Variants in CLVS1 observed in about 807,000 individuals in gnomAD.
CLVS1 encodes the protein clavesin-1.
CLVS1 carries 10 observed loss-of-function variants against 33.1 expected under a neutral mutation model. That is an observed-to-expected ratio of 0.30 (90% CI 0.19 to 0.51). The LOEUF is 0.51. Among genes scored for constraint, CLVS1 ranks in the 20% least tolerant of loss-of-function variants. CLVS1 has a pLI of 0.97. For missense variants in CLVS1, 343 were observed against 433.4 expected (o/e 0.79, Z 1.85); for synonymous variants, 163 against 166.1 (o/e 0.98, Z 0.14).
At chr8:61,035,364 T>G in the CLVS1 span, among the ~76,000 whole-genome samples, 1 of 152,108 alleles carries the variant, frequency 6.6e-6, no homozygotes, top group East Asian at 1.9e-4. Context: ...TTTGTTTTTG[T>G]TTTCACAAAG....
At chr8:61,155,828 T>A (rs1806636111) in intron 2 of CLVS1, among the ~76,000 whole-genome samples, 1 of 152,136 alleles carries the variant, frequency 6.6e-6, no homozygotes, top group South Asian at 2.1e-4. Context: ...GCCTGACACC[T>A]TAAAGGTCCC....
chr8:61,062,481 C>A (rs760939180), intron 1 of CLVS1, among the ~76,000 whole-genome samples: 17 of 152,062 alleles, frequency 1.1e-4, no homozygotes, highest in Non-Finnish European at 5.9e-5. Flanking sequence ...GGAAGACCAC[C>A]CTACGTTCCT....
At chr8:60,982,188 A>G in the CLVS1 span, among the ~76,000 whole-genome samples, 1 of 152,248 alleles carries the variant, frequency 6.6e-6, no homozygotes, top group Non-Finnish European at 1.5e-5. Flanking sequence ...TAATTAAATC[A>G]CAATAAAAAT....
chr8:61,262,830 C>T (rs1430321544), intron 2 of CLVS1, among the ~76,000 whole-genome samples: 1 of 152,088 alleles, frequency 6.6e-6, no homozygotes, highest in Non-Finnish European at 1.5e-5. Flanking sequence ...CTGAGGTCTA[C>T]CAGGAGATTC....
chr8:61,141,966 T>C (rs1806315338), intron 2 of CLVS1, among the ~76,000 whole-genome samples: 1 of 152,250 alleles, frequency 6.6e-6, no homozygotes. Flanking sequence ...AATCTTTTCT[T>C]CTGGCTAGGC....
At chr8:61,004,015 A>T in the CLVS1 span, among the ~76,000 whole-genome samples, 1 of 152,186 alleles carries the variant, frequency 6.6e-6, no homozygotes, top group Non-Finnish European at 1.5e-5. Flanking sequence ...GATCTGAATG[A>T]GGTAAGAGTG....
chr8:61,198,784 T>C (rs1237687374), intron 2 of CLVS1, among the ~76,000 whole-genome samples: 1 of 152,212 alleles, frequency 6.6e-6, no homozygotes, highest in African/African-American at 2.4e-5. Context: ...CATACCCATA[T>C]GTTAGTCCCC....
At chr8:61,269,959 A>G (rs1233437217) in intron 2 of CLVS1, among the ~76,000 whole-genome samples, 4 of 147,654 alleles carry the variant, frequency 2.7e-5, no homozygotes, top group African/African-American at 1.0e-4. Flanking sequence ...TCGTCTGCAA[A>G]CAGGGACAAT....
At chr8:61,254,832 G>A (rs941732505) in intron 2 of CLVS1, among the ~76,000 whole-genome samples, 2 of 152,150 alleles carry the variant, frequency 1.3e-5, no homozygotes, top group Non-Finnish European at 2.9e-5. Context: ...CCTTTCCTTG[G>A]CTAGAAAAGG....
chr8:61,203,347 T>A, intron 2 of CLVS1: 1 of 594,738 alleles, frequency 1.7e-6, no homozygotes. Context: ...GTTTGATAAA[T>A]GTTGTCCAGG....
intron 3 of CLVS1, among the ~76,000 whole-genome samples, chr8:61,441,260 G>C (rs371572806): frequency 6.6e-6 from 1 of 152,150 alleles, no homozygotes; most frequent in African/African-American, 2.4e-5. Context: ...CATGCATGCA[G>C]GTATGTGACT....
At chr8:61,400,187 G>A (rs1814694013) in intron 3 of CLVS1, among the ~76,000 whole-genome samples, 1 of 152,168 alleles carries the variant, frequency 6.6e-6, no homozygotes, top group Non-Finnish European at 1.5e-5. Context: ...TTTTCCATCT[G>A]TTTGAGTAAA....
chr8:61,290,383 A>G (rs949729414), intron 1 of CLVS1, among the ~76,000 whole-genome samples: 2 of 152,214 alleles, frequency 1.3e-5, no homozygotes, highest in African/African-American at 4.8e-5. Flanking sequence ...AAATATTTTC[A>G]GTAACAGAAA....
chr8:61,490,978 A>G (rs534765000), intron 5 of CLVS1, among the ~76,000 whole-genome samples: 4 of 151,886 alleles, frequency 2.6e-5, no homozygotes, highest in Admixed American at 2.0e-4. Context: ...AAAAAGAAAA[A>G]AAAAAGAAAG....
At position 61,499,644 on chromosome 8, in the gene CLVS1, T is replaced by TGAC. The variant is rs1804491834; in HGVS notation, c.*103_*105dup. ...CCCATGCAGACACGTGTGTTCTGCT[T>TGAC]GACACAAGGTCCTCCACTCCTGAAC... On this transcript the variant is annotated 3_prime_UTR_variant, in exon 6 of 6. Transcript: ENST00000325897. 2.6e-6 allele frequency: 2 copies of TGAC among 768,656 alleles called. No individual in the cohort carries two copies. The highest frequency in any genetic ancestry group is 4.2e-5 in the Admixed American group (2 of 47,360). 47.6% of individuals were successfully genotyped at this position (768,656 alleles called of 1,614,324 possible).
chr8:61,064,859 G>A (rs12677697), intron 1 of CLVS1, among the ~76,000 whole-genome samples: 83,482 of 151,738 alleles, frequency 0.55, 25,336 homozygotes, highest in African/African-American at 0.81. Flanking sequence ...CCGCCACCAC[G>A]CCTGGCTAAT....
the CLVS1 span, among the ~76,000 whole-genome samples, chr8:61,012,304 TC>T: frequency 6.6e-6 from 1 of 152,224 alleles, no homozygotes; most frequent in Non-Finnish European, 1.5e-5. Flanking sequence ...TCTTTTGCAC[TC>T]TCTCTCTTTC....
upstream of CLVS1, among the ~76,000 whole-genome samples, chr8:61,056,983 C>T (rs895336640): frequency 1.3e-5 from 2 of 152,142 alleles, no homozygotes; most frequent in African/African-American, 4.8e-5. Flanking sequence ...TCTCCTCCCC[C>T]ACACCACAGA....
chr8:61,468,716 T>TAA (rs5891803), intron 5 of CLVS1, among the ~76,000 whole-genome samples: 4 of 92,458 alleles, frequency 4.3e-5, no homozygotes, highest in South Asian at 4.1e-4. Context: ...GTAAAAGTAC[T>TAA]AAAAAAAAAA....
Sources: gnomAD v4.1 joint callset for allele counts (sites outside exome capture counted in the v4.1 genomes callset) on GRCh38, gnomAD v4.1.1 for gene constraint, MANE v1.5 for transcripts, NCBI Gene and HGNC (gene_info 2026-07-23, HGNC 2026-07-21) for gene names.